ACVR1: variants seen among roughly 807,000 people sequenced by gnomAD.
The protein encoded by ACVR1 is activin A receptor type 1.
In ACVR1, 38 loss-of-function variants were observed where a neutral mutation model predicts 57.1. The observed-to-expected ratio is 0.67, with a 90% CI of 0.51 to 0.87. The LOEUF (loss-of-function observed/expected upper bound fraction) is 0.87. ACVR1 is among the 40% of genes least tolerant of loss of function. ACVR1 has a pLI of 0.00. For synonymous variants in ACVR1, 212 were observed against 228.1 expected (o/e 0.93, Z 0.63); for missense variants, 463 against 638.2 (o/e 0.73, Z 2.96).
At chr2:157,798,514 G>A (rs545587607) in intron 3 of ACVR1, among the ~76,000 whole-genome samples, 1 of 120,312 alleles carries the variant, frequency 8.3e-6, no homozygotes, top group East Asian at 2.9e-4. Context: ...TCACATTTGG[G>A]CTTTTTTGGA....
chr2:157,783,107 G>T (rs1163218798), intron 3 of ACVR1, among the ~76,000 whole-genome samples: 3 of 152,116 alleles, frequency 2.0e-5, no homozygotes, highest in Admixed American at 1.3e-4. Context: ...GTCCTAAATG[G>T]TCCTAAACGG....
intron 1 of ACVR1, among the ~76,000 whole-genome samples, chr2:157,820,194 G>A (rs1003731543): frequency 6.6e-6 from 1 of 152,170 alleles, no homozygotes; most frequent in Non-Finnish European, 1.5e-5. Flanking sequence ...TCTTCCATAG[G>A]GAGGTCAACC....
chr2:157,746,221 G>A (rs905676136), intron 9 of ACVR1, among the ~76,000 whole-genome samples: 7 of 152,282 alleles, frequency 4.6e-5, no homozygotes, highest in African/African-American at 1.2e-4. Context: ...CCCATTTTCC[G>A]TGGAAAGGAA....
chr2:157,820,277 T>C (rs574903237), intron 1 of ACVR1, among the ~76,000 whole-genome samples: 1 of 152,314 alleles, frequency 6.6e-6, no homozygotes, highest in Non-Finnish European at 1.5e-5. Context: ...TGGGCATCCT[T>C]AAAAACAAAC....
At chr2:157,805,973 G>A (rs983573340) in intron 2 of ACVR1, among the ~76,000 whole-genome samples, 1 of 151,754 alleles carries the variant, frequency 6.6e-6, no homozygotes, top group African/African-American at 2.4e-5. Context: ...ACAGGCACAT[G>A]CCACCATGTC....
At chr2:157,832,389 G>T (rs1688613947) in intron 1 of ACVR1, among the ~76,000 whole-genome samples, 1 of 152,196 alleles carries the variant, frequency 6.6e-6, no homozygotes, top group Non-Finnish European at 1.5e-5. Flanking sequence ...AACGAGAAAG[G>T]ATGATGGCAA....
At chr2:157,841,766 G>A (rs753801367) in intron 1 of ACVR1, among the ~76,000 whole-genome samples, 1 of 152,102 alleles carries the variant, frequency 6.6e-6, no homozygotes, top group Non-Finnish European at 1.5e-5. Flanking sequence ...GCTAACACCT[G>A]TAATCCCAGC....
At chr2:157,834,991 G>GC (rs1688728226) in intron 1 of ACVR1, among the ~76,000 whole-genome samples, 1 of 152,164 alleles carries the variant, frequency 6.6e-6, no homozygotes, top group Admixed American at 6.5e-5. Context: ...GAGCTGCCCA[G>GC]CCTCCAGAAC....
At chr2:157,762,782 C>T (rs923107433) in intron 8 of ACVR1, among the ~76,000 whole-genome samples, 1 of 152,108 alleles carries the variant, frequency 6.6e-6, no homozygotes, top group Non-Finnish European at 1.5e-5. Context: ...CACCATGCAC[C>T]ATGTTATAAA....
chr2:157,825,903 A>G (rs1232115059), intron 1 of ACVR1, among the ~76,000 whole-genome samples: 1 of 152,184 alleles, frequency 6.6e-6, no homozygotes, highest in African/African-American at 2.4e-5. Context: ...CCTAAACAGA[A>G]TCAGACTTCT....
intron 3 of ACVR1, among the ~76,000 whole-genome samples, chr2:157,791,328 A>G (rs991148428): frequency 1.3e-5 from 2 of 152,180 alleles, no homozygotes; most frequent in African/African-American, 2.4e-5. Flanking sequence ...ACTCATAATA[A>G]ATTATTTGAA....
At chr2:157,871,423 C>T (rs1690109747) in intron 1 of ACVR1, among the ~76,000 whole-genome samples, 1 of 152,108 alleles carries the variant, frequency 6.6e-6, no homozygotes, top group Non-Finnish European at 1.5e-5. Context: ...TTGGGTGATC[C>T]CTCAGGACAC....
intron 1 of ACVR1, among the ~76,000 whole-genome samples, chr2:157,860,481 G>A (rs568727024): frequency 7.0e-4 from 107 of 152,268 alleles, no homozygotes; most frequent in Non-Finnish European, 1.3e-3. Context: ...AACACCCTAG[G>A]GATATTCCAG....
chr2:157,862,251 C>T (rs953875637), intron 1 of ACVR1, among the ~76,000 whole-genome samples: 1 of 152,010 alleles, frequency 6.6e-6, no homozygotes, highest in Non-Finnish European at 1.5e-5. Flanking sequence ...TGGAACTGTA[C>T]TACAGAACTG....
chr2:157,849,071 G>T (rs886628618), intron 1 of ACVR1, among the ~76,000 whole-genome samples: 8 of 152,100 alleles, frequency 5.3e-5, no homozygotes, highest in Non-Finnish European at 8.8e-5. Flanking sequence ...ATACTTTCAA[G>T]TCTGGTCCAA....
intron 9 of ACVR1, among the ~76,000 whole-genome samples, chr2:157,743,866 A>T (rs1406269350): frequency 6.6e-6 from 1 of 152,138 alleles, no homozygotes; most frequent in Non-Finnish European, 1.5e-5. Flanking sequence ...GGACCTGGCT[A>T]TGCTTTGAAT....
intron 1 of ACVR1, among the ~76,000 whole-genome samples, chr2:157,822,096 C>T (rs927990721): frequency 1.3e-5 from 2 of 152,204 alleles, no homozygotes; most frequent in African/African-American, 4.8e-5. Flanking sequence ...TCCATACTCT[C>T]CCTGTCTGTT....
chr2:157,849,096 TCA>T (rs1689216369), intron 1 of ACVR1, among the ~76,000 whole-genome samples: 2 of 152,188 alleles, frequency 1.3e-5, no homozygotes, highest in African/African-American at 2.4e-5. Context: ...TCACTACCTC[TCA>T]CCTAGACCAG....
chr2:157,872,604 C>A (rs1228019219), intron 1 of ACVR1, among the ~76,000 whole-genome samples: 1 of 152,166 alleles, frequency 6.6e-6, no homozygotes, highest in Admixed American at 6.5e-5. Context: ...TCAAATATAA[C>A]AAACAATGAG....
Sources: gnomAD v4.1 joint callset for allele counts (sites outside exome capture counted in the v4.1 genomes callset) on GRCh38, gnomAD v4.1.1 for gene constraint, MANE v1.5 for transcripts, NCBI Gene and HGNC (gene_info 2026-07-23, HGNC 2026-07-21) for gene names.